Variants in NKAIN3 observed in about 807,000 individuals in gnomAD.
The protein encoded by NKAIN3 is sodium/potassium transporting ATPase interacting 3.
A neutral mutation model predicts 30.2 loss-of-function variants in NKAIN3; 25 were observed. The observed-to-expected ratio is 0.83, with a 90% CI of 0.60 to 1.16. The LOEUF (loss-of-function observed/expected upper bound fraction) is 1.16, where lower values mean the gene tolerates loss of function less well. Among genes scored for constraint, NKAIN3 ranks in the 50% most tolerant of loss-of-function variants. The pLI, the probability that NKAIN3 is intolerant of heterozygous loss-of-function variation, is 0.00. For synonymous variants in NKAIN3, 91 were observed against 89.6 expected (o/e 1.02, Z -0.09); for missense variants, 225 against 254.1 (o/e 0.89, Z 0.78).
At chr8:62,558,729 G>T (rs1809481151) in intron 1 of NKAIN3, among the ~76,000 whole-genome samples, 1 of 151,562 alleles carries the variant, frequency 6.6e-6, no homozygotes, top group Non-Finnish European at 1.5e-5. Context: ...CTGCACACTT[G>T]GGTTTATTTT....
In NKAIN3 at chr8:62,885,739, C is replaced by G. The variant is rs369178621; in HGVS notation, c.472-32714C>G. 3.3e-5 allele frequency among the ~76,000 whole-genome samples: 5 copies of G among 152,184 alleles called. No individual in the cohort carries two copies. The East Asian group carries it at 5.8e-4, about 18-fold the overall frequency. ...CCCTTTGTGATTATGTAATGTCGAA[C>G]TTTATCCCTGATAATTTTCCTTCTT... On this transcript the variant is annotated intron_variant, in intron 4 of 6. Transcript: ENST00000623646.
chr8:62,917,095 T>C (rs574309115), intron 4 of NKAIN3, among the ~76,000 whole-genome samples: 1 of 151,710 alleles, frequency 6.6e-6, no homozygotes, highest in African/African-American at 2.4e-5. Flanking sequence ...TGGCTCCAAC[T>C]CCAGAACAGC....
At chr8:62,356,391 T>C (rs1029568712) in intron 1 of NKAIN3, among the ~76,000 whole-genome samples, 2 of 152,064 alleles carry the variant, frequency 1.3e-5, no homozygotes, top group Non-Finnish European at 2.9e-5. Context: ...AATATGAAAA[T>C]CTACAAACCA....
intron 1 of NKAIN3, among the ~76,000 whole-genome samples, chr8:62,260,380 A>G (rs1344911514): frequency 9.2e-5 from 14 of 152,180 alleles, no homozygotes; most frequent in Admixed American, 9.2e-4. Context: ...AATTGTTGTT[A>G]ATGATAATTC....
chr8:62,856,591 G>A (rs1193950330), intron 4 of NKAIN3: 1 of 780,860 alleles, frequency 1.3e-6, no homozygotes, highest in Admixed American at 1.7e-5. Context: ...TTGGTGAACA[G>A]CATGATCTTG....
At chr8:62,683,312 G>A (rs1197742648) in intron 3 of NKAIN3, among the ~76,000 whole-genome samples, 2 of 152,132 alleles carry the variant, frequency 1.3e-5, no homozygotes, top group South Asian at 2.1e-4. Flanking sequence ...GAGATTATAG[G>A]CATGAGCCAC....
chr8:62,927,650 C>G (rs1378520), intron 5 of NKAIN3, among the ~76,000 whole-genome samples: 1 of 151,812 alleles, frequency 6.6e-6, no homozygotes, highest in African/African-American at 2.4e-5. Flanking sequence ...AATATTCTTA[C>G]GCAGATTAAG....
intron 1 of NKAIN3, among the ~76,000 whole-genome samples, chr8:62,340,221 A>G (rs1466287289): frequency 5.3e-5 from 8 of 152,078 alleles, no homozygotes; most frequent in African/African-American, 1.9e-4. Context: ...ATGTAATGAT[A>G]TAAACCTAAG....
At chr8:62,860,103 G>A (rs1430643910) in intron 4 of NKAIN3, among the ~76,000 whole-genome samples, 1 of 152,192 alleles carries the variant, frequency 6.6e-6, no homozygotes, top group East Asian at 1.9e-4. Context: ...AATAGTGCTT[G>A]ACCAATCTGC....
intron 1 of NKAIN3, among the ~76,000 whole-genome samples, chr8:62,278,442 A>G (rs953619575): frequency 6.6e-5 from 10 of 151,846 alleles, no homozygotes; most frequent in Non-Finnish European, 1.0e-4. Flanking sequence ...GGTTTGTTAC[A>G]TATGTATACA....
At chr8:62,839,148 C>T (rs563606245) in intron 4 of NKAIN3, among the ~76,000 whole-genome samples, 1 of 152,148 alleles carries the variant, frequency 6.6e-6, no homozygotes, top group African/African-American at 2.4e-5. Context: ...CTACTACTTT[C>T]CTCCTTCTAA....
intron 1 of NKAIN3, among the ~76,000 whole-genome samples, chr8:62,457,534 A>G (rs1585830169): frequency 6.6e-6 from 1 of 152,180 alleles, no homozygotes. Context: ...ATAATTGAGC[A>G]CTTGATGATT....
intron 4 of NKAIN3, among the ~76,000 whole-genome samples, chr8:62,882,248 A>G (rs758297435): frequency 2.0e-5 from 3 of 152,076 alleles, no homozygotes; most frequent in Non-Finnish European, 4.4e-5. Context: ...TTTTAATTTT[A>G]ATTAAGTTCA....
chr8:62,997,180 A>G (rs1804136411), intron 5 of NKAIN3, among the ~76,000 whole-genome samples: 1 of 152,296 alleles, frequency 6.6e-6, no homozygotes, highest in Admixed American at 6.5e-5. Flanking sequence ...TAAGAAAAAA[A>G]TTCCTTCCCC....
chr8:62,580,970 TG>T (rs1297683595), intron 2 of NKAIN3, among the ~76,000 whole-genome samples: 20 of 147,464 alleles, frequency 1.4e-4, no homozygotes, highest in Admixed American at 1.1e-3. Flanking sequence ...AGCCAGACAT[TG>T]GGGGGCCTGT....
At chr8:62,578,983 C>G (rs1585971066) in intron 1 of NKAIN3, among the ~76,000 whole-genome samples, 1 of 151,736 alleles carries the variant, frequency 6.6e-6, no homozygotes, top group South Asian at 2.1e-4. Context: ...TTTGATAGCA[C>G]AATGGGGTGA....
At position 62,848,576 on chromosome 8, in the gene NKAIN3, C is replaced by T. The variant is rs535911651; in HGVS notation, c.472-69877C>T. ...AGCTTAAGAAGCTTCTTGGCCGAGA[C>T]GATGGGATATTCTAGACATAGGATC... On this transcript the variant is annotated intron_variant, in intron 4 of 6. Coordinates refer to ENST00000623646, the MANE Select transcript of NKAIN3 (RefSeq NM_001304533.3). Among the ~76,000 whole-genome samples, 14 of 152,196 alleles carry T rather than the reference C, an allele frequency of 9.2e-5. No homozygotes were observed. In the South Asian group the frequency reaches 1.2e-3, roughly 14 times the overall value.
At chr8:62,646,500 T>C (rs1812464044) in intron 3 of NKAIN3, among the ~76,000 whole-genome samples, 1 of 152,156 alleles carries the variant, frequency 6.6e-6, no homozygotes, top group Non-Finnish European at 1.5e-5. Context: ...GAACCTATAA[T>C]ATCCTGTTCT....
At chr8:62,355,673 T>C (rs777423624) in intron 1 of NKAIN3, among the ~76,000 whole-genome samples, 3 of 152,186 alleles carry the variant, frequency 2.0e-5, no homozygotes, top group Non-Finnish European at 4.4e-5. Context: ...CATACTTCAA[T>C]CACATATGCA....
Sources: gnomAD v4.1 joint callset for allele counts (sites outside exome capture counted in the v4.1 genomes callset) on GRCh38, gnomAD v4.1.1 for gene constraint, MANE v1.5 for transcripts, NCBI Gene and HGNC (gene_info 2026-07-23, HGNC 2026-07-21) for gene names.